DGKK: variants seen among roughly 807,000 people sequenced by gnomAD.
The protein encoded by DGKK is 142 kDa diacylglycerol kinase.
In DGKK, 35 loss-of-function variants were observed where a neutral mutation model predicts 92.2. The observed-to-expected ratio is 0.38, with a 90% confidence interval of 0.29 to 0.50. The LOEUF is 0.50. Ranked by LOEUF, DGKK falls within the 20% of genes least tolerant of loss-of-function variation. The probability of loss-of-function intolerance (pLI) is 0.92; values close to 1 mark genes in which losing one functional copy is unlikely to be tolerated. For synonymous variants in DGKK, 368 were observed against 360.6 expected, an observed-to-expected ratio of 1.02 and a Z score of -0.23; for missense variants, 910 against 992.2, an observed-to-expected ratio of 0.92 and a Z score of 1.11.
chrX:50,374,376 A>T (rs1206755840), intron 25 of DGKK, among the ~76,000 whole-genome samples: 1 of 111,221 alleles, frequency 9.0e-6, no homozygotes, highest in Non-Finnish European at 1.9e-5. Context: ...GCAAAGAAGG[A>T]CCCCTTACAG....
At chrX:50,395,755 C>T (rs986829677) in intron 8 of DGKK, among the ~76,000 whole-genome samples, 2 of 105,187 alleles carry the variant, frequency 1.9e-5, no homozygotes, top group Non-Finnish European at 3.9e-5. Flanking sequence ...CAGATTAAAA[C>T]TAGCCTATGT....
At chrX:50,378,052 A>G (rs1557224024) in intron 22 of DGKK, 46 bp downstream of exon 22, 2 of 1,173,177 alleles carry the variant, frequency 1.7e-6, no homozygotes, top group Admixed American at 2.6e-5. Flanking sequence ...TCAAGTGACT[A>G]TGGATGAGGC....
intron 3 of DGKK, among the ~76,000 whole-genome samples, chrX:50,422,229 T>A (rs782051252): frequency 8.9e-6 from 1 of 111,761 alleles, no homozygotes; most frequent in African/African-American, 3.2e-5. Flanking sequence ...CCCCTTGAAA[T>A]CAGCTTAGCT....
chrX:50,408,625 C>T (rs1037515226), intron 4 of DGKK, among the ~76,000 whole-genome samples: 1 of 110,810 alleles, frequency 9.0e-6, no homozygotes, highest in Non-Finnish European at 1.9e-5. Flanking sequence ...CCTCGTGATC[C>T]GCCCGCCTCG....
At chrX:50,400,638 G>A (rs1924976877) in intron 8 of DGKK, among the ~76,000 whole-genome samples, 1 of 111,891 alleles carries the variant, frequency 8.9e-6, no homozygotes. Flanking sequence ...TAATGATCAT[G>A]TTAGTTTCAT....
intron 1 of DGKK, among the ~76,000 whole-genome samples, chrX:50,455,875 A>G (rs782411379): frequency 9.0e-6 from 1 of 111,128 alleles, no homozygotes; most frequent in South Asian, 3.8e-4. Flanking sequence ...ATTTGTCTAC[A>G]CTCCCTTATT....
At chrX:50,396,960 A>T (rs1557226174) in intron 8 of DGKK, among the ~76,000 whole-genome samples, 1 of 112,205 alleles carries the variant, frequency 8.9e-6, no homozygotes, top group Non-Finnish European at 1.9e-5. Flanking sequence ...TCAAAGCTGG[A>T]GGAAGAGATA....
chrX:50,460,998 T>A (rs1158908326), intron 1 of DGKK, among the ~76,000 whole-genome samples: 1 of 110,718 alleles, frequency 9.0e-6, no homozygotes, highest in Non-Finnish European at 1.9e-5. Flanking sequence ...TTGTTCTGGA[T>A]CTCCTTCTCC....
chrX:50,442,939 G>T (rs1390511553), intron 1 of DGKK, among the ~76,000 whole-genome samples: 1 of 111,225 alleles, frequency 9.0e-6, no homozygotes, highest in Non-Finnish European at 1.9e-5. Flanking sequence ...GCCACCCACA[G>T]TTCCTTGCTA....
chrX:50,434,010 A>C (rs1360191925), intron 1 of DGKK, among the ~76,000 whole-genome samples: 1 of 110,877 alleles, frequency 9.0e-6, no homozygotes, highest in Non-Finnish European at 1.9e-5. Context: ...CTTTTACCTG[A>C]CCATAAGCTA....
chrX:50,456,415 C>T (rs139150932), intron 1 of DGKK, among the ~76,000 whole-genome samples: 131 of 111,803 alleles, frequency 1.2e-3, no homozygotes, highest in Admixed American at 1.6e-3. Context: ...AAATTTGACA[C>T]TAAGGTAATG....
Position 50,403,495 on chromosome X carries a change from T to C in DGKK, c.1181A>G (p.Glu394Gly). The change falls in exon 6 of 28, where the codon GAA (glutamate) becomes GGA (glycine). Residue 394 changes from glutamate to glycine, a missense_variant. Glu to Gly is a moderately conservative substitution (Grantham distance 98, BLOSUM62 -2). Transcript: ENST00000611977. ...ITDDLLLPAD[E>G]VNMPHQWVEG... Reference sequence around the variant, plus strand: ...GAAGACATGGCTAGTACTTACTACTTCATCTGCAGGCAGAAGGAGGTCATC... The same window carrying C: ...GAAGACATGGCTAGTACTTACTACTCCATCTGCAGGCAGAAGGAGGTCATC... 1.7e-6 allele frequency: 2 copies of C among 1,206,907 alleles called. No individual in the cohort carries two copies. Among genetic ancestry groups the C allele is most frequent in the South Asian group, 1.8e-5 (1 of 56,861 alleles).
rs372673310 is a variant in DGKK at position 50,386,494 on chromosome X, A to G, written c.2211T>C (p.Tyr737=). The part of the protein sequence containing the change: ...ATSAEKSATE[Y]ADSSKADRKP... ...TCCTATCTGCCTTGCTGCTGTCTGC[A>G]TATTCTGTAGCACTTTTTTCAGCAG... Residue 737 remains tyrosine, a synonymous_variant, in exon 15 of 28, where the codon TAT becomes TAC. Transcript: ENST00000611977. 2.5e-6 allele frequency: 3 copies of G among 1,209,167 alleles called. No individual in the cohort carries two copies. The African/African-American group carries it at 5.3e-5, about 21-fold the overall frequency.
intron 1 of DGKK, among the ~76,000 whole-genome samples, chrX:50,467,566 ATG>A (rs1224350708): frequency 8.9e-6 from 1 of 112,851 alleles, no homozygotes; most frequent in African/African-American, 3.2e-5. Flanking sequence ...TATGTATAGT[ATG>A]TGTGTGTGTT....
In DGKK at chrX:50,401,019, T is replaced by C. The variant is rs1924988897; in HGVS notation, c.1411+18A>G. The C allele has an allele frequency of 8.5e-7, 1 of 1,177,248 alleles. No individual in the cohort carries two copies. The highest frequency in any genetic ancestry group is 2.4e-5 in the Admixed American group (1 of 41,760). On this transcript the variant is annotated intron_variant, in intron 8 of 27. Coordinates refer to ENST00000611977, the MANE Select transcript of DGKK (RefSeq NM_001013742.4). Reference sequence around the variant, plus strand: ...TACATGCCCAATGTGCTTCTGAGGTTAAGATTTAACTACTCACCATCGCCT... The same window carrying C: ...TACATGCCCAATGTGCTTCTGAGGTCAAGATTTAACTACTCACCATCGCCT...
chrX:50,389,739 G>A (rs782655144), intron 12 of DGKK, among the ~76,000 whole-genome samples: 13 of 110,762 alleles, frequency 1.2e-4, no homozygotes, highest in African/African-American at 3.9e-4. Flanking sequence ...TGGCCCCTAC[G>A]CCTCAGCCAT....
rs1602290151 is a variant in DGKK, at chrX:50,425,190, C to G, written c.646-832G>C. On this transcript the variant is annotated intron_variant, in intron 1 of 27. Transcript: ENST00000611977. ...CAGACTGAGTTTAAAATCACCACAT[C>G]AAGGCTCTACCATGAATTCTATCAT... Among the ~76,000 whole-genome samples the G allele has an allele frequency of 3.6e-5, 4 of 111,689 alleles. No individual in the cohort carries two copies. In the South Asian group the frequency reaches 1.5e-3, roughly 42 times the overall value.
At chrX:50,441,324 T>C (rs146288790) in intron 1 of DGKK, among the ~76,000 whole-genome samples, 17 of 111,629 alleles carry the variant, frequency 1.5e-4, no homozygotes, top group Non-Finnish European at 3.0e-4. Flanking sequence ...TTGATTCCCA[T>C]ATATGAATGT....
chrX:50,468,456 T>G (rs1446819447), intron 1 of DGKK, among the ~76,000 whole-genome samples: 1 of 111,256 alleles, frequency 9.0e-6, no homozygotes, highest in Non-Finnish European at 1.9e-5. Context: ...AACTTTGCCC[T>G]TCTTAAGATC....
Sources: allele counts gnomAD v4.1 joint callset (sites outside exome capture counted in the v4.1 genomes callset), GRCh38; gene constraint gnomAD v4.1.1; transcripts MANE v1.5; gene names NCBI Gene and HGNC (gene_info 2026-07-23, HGNC 2026-07-21).